RPTOR: variants seen among roughly 807,000 people sequenced by gnomAD.
RPTOR encodes the protein regulatory-associated protein of mTOR.
RPTOR carries 21 observed loss-of-function variants against 169.9 expected under a neutral mutation model. That is an observed-to-expected ratio of 0.12 (90% CI 0.09 to 0.18). RPTOR has a LOEUF of 0.18. Among genes scored for constraint, RPTOR ranks in the 10% least tolerant of loss-of-function variants. RPTOR has a pLI of 1.00. For missense variants in RPTOR, 1,133 were observed against 1,855.9 expected, an observed-to-expected ratio of 0.61 and a Z score of 7.16; for synonymous variants, 732 against 753.2, an observed-to-expected ratio of 0.97 and a Z score of 0.46.
chr17:80,911,439 AG>A (rs1202577220), intron 21 of RPTOR, among the ~76,000 whole-genome samples: 5 of 152,236 alleles, frequency 3.3e-5, no homozygotes, highest in Non-Finnish European at 5.9e-5. Flanking sequence ...AAGAAAACTA[AG>A]AAATAATATA....
chr17:80,572,398 ATTTTC>A (rs1246811034), intron 1 of RPTOR, among the ~76,000 whole-genome samples: 2 of 134,476 alleles, frequency 1.5e-5, no homozygotes, highest in South Asian at 4.6e-4. Flanking sequence ...ATAATTATAT[ATTTTC>A]TTCTTTTTTT....
At chr17:80,811,569 C>G (rs1367388598) in intron 7 of RPTOR, among the ~76,000 whole-genome samples, 1 of 137,344 alleles carries the variant, frequency 7.3e-6, no homozygotes, top group Non-Finnish European at 1.6e-5. Context: ...ACTCTATCCA[C>G]AGAACATAGC....
chr17:80,677,341 C>G (rs2065868077), intron 3 of RPTOR, among the ~76,000 whole-genome samples: 1 of 152,214 alleles, frequency 6.6e-6, no homozygotes, highest in South Asian at 2.1e-4. Flanking sequence ...AATTCCTAAA[C>G]TTGGCACTTG....
At chr17:80,913,015 T>C (rs1187797267) in intron 21 of RPTOR, among the ~76,000 whole-genome samples, 1 of 152,160 alleles carries the variant, frequency 6.6e-6, no homozygotes, top group Non-Finnish European at 1.5e-5. Flanking sequence ...TCTGTGTGCG[T>C]GTGTGTGCAC....
intron 24 of RPTOR, among the ~76,000 whole-genome samples, chr17:80,930,232 A>T (rs1598407679): frequency 2.1e-5 from 3 of 146,058 alleles, no homozygotes; most frequent in South Asian, 2.2e-4. Flanking sequence ...GCTCATCCCC[A>T]GCTCATCCTC....
intron 6 of RPTOR, among the ~76,000 whole-genome samples, chr17:80,777,414 G>C (rs1443289206): frequency 6.6e-6 from 1 of 152,122 alleles, no homozygotes; most frequent in African/African-American, 2.4e-5. Context: ...AGCAGGACTA[G>C]AGAAAGTGTC....
intron 1 of RPTOR, among the ~76,000 whole-genome samples, chr17:80,584,667 A>G (rs1231282910): frequency 1.3e-5 from 2 of 152,294 alleles, no homozygotes; most frequent in East Asian, 3.9e-4. Flanking sequence ...GCTTCCCCTT[A>G]TCTGAGACTG....
At chr17:80,683,916 T>C (rs2065916420) in intron 3 of RPTOR, among the ~76,000 whole-genome samples, 1 of 152,184 alleles carries the variant, frequency 6.6e-6, no homozygotes, top group Admixed American at 6.5e-5. Context: ...AGAATGGGAC[T>C]TAGAAGCCAA....
intron 17 of RPTOR, among the ~76,000 whole-genome samples, chr17:80,886,252 A>G (rs1255183665): frequency 6.6e-6 from 1 of 152,256 alleles, no homozygotes; most frequent in East Asian, 1.9e-4. Context: ...GGTTTCCCTC[A>G]GCCAGACGAA....
intron 10 of RPTOR, 53 bp from the exon 11 acceptor site, chr17:80,846,420 C>G: frequency 6.4e-7 from 1 of 1,558,686 alleles, no homozygotes; most frequent in Non-Finnish European, 8.8e-7. Flanking sequence ...TGGGCAAGAC[C>G]AGGCCATCTG....
chr17:80,826,400 G>A (rs988833426), intron 9 of RPTOR, among the ~76,000 whole-genome samples: 6 of 152,322 alleles, frequency 3.9e-5, no homozygotes, highest in African/African-American at 1.2e-4. Context: ...TGCAGAGCTC[G>A]TCACCAGGCC....
At chr17:80,702,436 C>T (rs2066109052) in intron 3 of RPTOR, among the ~76,000 whole-genome samples, 1 of 152,150 alleles carries the variant, frequency 6.6e-6, no homozygotes, top group South Asian at 2.1e-4. Flanking sequence ...CGTAACTCCC[C>T]CGGATGATCA....
At chr17:80,953,953 T>A (rs943394772) in intron 28 of RPTOR, among the ~76,000 whole-genome samples, 2 of 152,248 alleles carry the variant, frequency 1.3e-5, no homozygotes, top group African/African-American at 4.8e-5. Context: ...TCTTCCTGCC[T>A]GGGTTCAGGT....
intron 28 of RPTOR, among the ~76,000 whole-genome samples, chr17:80,951,515 C>T (rs1211475551): frequency 2.6e-5 from 4 of 152,224 alleles, no homozygotes; most frequent in Non-Finnish European, 4.4e-5. Flanking sequence ...CCCCAGTCCC[C>T]GAAGGCTGTG....
intron 3 of RPTOR, among the ~76,000 whole-genome samples, chr17:80,666,965 A>G (rs950564092): frequency 6.6e-6 from 1 of 152,222 alleles, no homozygotes; most frequent in Non-Finnish European, 1.5e-5. Context: ...ACAGCACTCC[A>G]GGAATTGTCT....
chr17:80,892,521 C>G (rs1404361569), intron 18 of RPTOR, among the ~76,000 whole-genome samples: 1 of 152,250 alleles, frequency 6.6e-6, no homozygotes, highest in African/African-American at 2.4e-5. Flanking sequence ...ATGCACAGAG[C>G]CACAAGCGGT....
chr17:80,816,902 C>A (rs985430206), intron 7 of RPTOR, among the ~76,000 whole-genome samples: 1 of 152,248 alleles, frequency 6.6e-6, no homozygotes, highest in Non-Finnish European at 1.5e-5. Flanking sequence ...CCCGGCCCAT[C>A]CCTGGTCCTC....
At chr17:80,643,909 C>T in intron 3 of RPTOR, 99 bp downstream of exon 3, 1 of 929,524 alleles carries the variant, frequency 1.1e-6, no homozygotes, top group Non-Finnish European at 1.7e-6. Flanking sequence ...ATTCTGTGCA[C>T]ACCCTGCCCT....
chr17:80,574,212 C>T (rs1331265682), intron 1 of RPTOR, among the ~76,000 whole-genome samples: 3 of 139,816 alleles, frequency 2.1e-5, no homozygotes, highest in African/African-American at 5.4e-5. Flanking sequence ...GGCCGGACTG[C>T]GGACTGCAGT....
Sources: allele counts gnomAD v4.1 joint callset (sites outside exome capture counted in the v4.1 genomes callset), GRCh38; gene constraint gnomAD v4.1.1; transcripts MANE v1.5; gene names NCBI Gene and HGNC (gene_info 2026-07-23, HGNC 2026-07-21).